Variants in RBFOX1 observed in about 807,000 individuals in gnomAD.
The protein encoded by RBFOX1 is RNA binding protein fox-1 homolog 1.
A neutral mutation model predicts 57.7 loss-of-function variants in RBFOX1; 8 were observed. That is an observed-to-expected ratio of 0.14 (90% CI 0.08 to 0.25). The LOEUF (loss-of-function observed/expected upper bound fraction) is 0.25. RBFOX1 is among the 10% of genes least tolerant of loss of function. RBFOX1 has a pLI of 1.00. For missense variants in RBFOX1, 611 were observed against 548.5 expected, an observed-to-expected ratio of 1.11 and a Z score of -1.14; for synonymous variants, 326 against 222.4, an observed-to-expected ratio of 1.47 and a Z score of -4.15.
intron 3 of RBFOX1, among the ~76,000 whole-genome samples, chr16:5,716,430 A>G (rs1270534454): frequency 2.6e-5 from 4 of 152,240 alleles, no homozygotes; most frequent in Non-Finnish European, 4.4e-5. Flanking sequence ...CCCAGTGTCC[A>G]TGTGTCCAAC....
intron 3 of RBFOX1, among the ~76,000 whole-genome samples, chr16:5,720,069 C>T (rs2051870873): frequency 6.6e-6 from 1 of 152,096 alleles, no homozygotes; most frequent in Non-Finnish European, 1.5e-5. Context: ...TTCACATCCT[C>T]ACCAACACTT....
At chr16:7,479,454 A>T (rs995341674) in intron 4 of RBFOX1, among the ~76,000 whole-genome samples, 1 of 152,100 alleles carries the variant, frequency 6.6e-6, no homozygotes, top group African/African-American at 2.4e-5. Context: ...TTACTCTACA[A>T]TGCTTGCCCT....
At chr16:7,046,380 T>G (rs895693387) in intron 3 of RBFOX1, among the ~76,000 whole-genome samples, 1 of 152,152 alleles carries the variant, frequency 6.6e-6, no homozygotes, top group Non-Finnish European at 1.5e-5. Flanking sequence ...TCTACAAGAC[T>G]CAGTATTTTG....
At chr16:6,980,936 G>A (rs1279205203) in intron 3 of RBFOX1, among the ~76,000 whole-genome samples, 7 of 149,856 alleles carry the variant, frequency 4.7e-5, no homozygotes, top group South Asian at 4.2e-4. Flanking sequence ...CCAATTAATC[G>A]GGAGTCTGAG....
intron 3 of RBFOX1, among the ~76,000 whole-genome samples, chr16:6,994,655 A>C (rs889831096): frequency 6.6e-6 from 1 of 152,184 alleles, no homozygotes; most frequent in African/African-American, 2.4e-5. Context: ...AGTGCCATCC[A>C]CTTAATCTCT....
chr16:5,739,283 C>T (rs1385092144), intron 3 of RBFOX1, among the ~76,000 whole-genome samples: 1 of 152,218 alleles, frequency 6.6e-6, no homozygotes, highest in Non-Finnish European at 1.5e-5. Flanking sequence ...CCCAGTGAAA[C>T]ATCCCACTTT....
At chr16:6,876,570 T>C (rs1339498092) in intron 3 of RBFOX1, among the ~76,000 whole-genome samples, 4 of 152,178 alleles carry the variant, frequency 2.6e-5, no homozygotes, top group African/African-American at 9.7e-5. Context: ...TAAAAATTAA[T>C]AGTGTGAGAA....
chr16:5,357,042 G>T (rs2065408508), intron 1 of RBFOX1, among the ~76,000 whole-genome samples: 1 of 152,162 alleles, frequency 6.6e-6, no homozygotes, highest in South Asian at 2.1e-4. Context: ...TAAACTACTT[G>T]CCCGTGATGA....
chr16:6,583,447 A>C (rs897721710), intron 2 of RBFOX1, among the ~76,000 whole-genome samples: 3 of 152,254 alleles, frequency 2.0e-5, no homozygotes, highest in African/African-American at 7.2e-5. Context: ...TTGGGGGAGC[A>C]TCTCACACTA....
chr16:6,000,855 A>C (rs977916654), intron 4 of RBFOX1, among the ~76,000 whole-genome samples: 1 of 104,028 alleles, frequency 9.6e-6, no homozygotes, highest in African/African-American at 3.7e-5. Context: ...GTGGGTGGAC[A>C]GGTAGGTGGG....
chr16:6,569,716 T>A (rs138009973), intron 2 of RBFOX1, among the ~76,000 whole-genome samples: 84 of 152,310 alleles, frequency 5.5e-4, no homozygotes, highest in Non-Finnish European at 8.1e-4. Flanking sequence ...TTACCTACCA[T>A]CCAGAATTTA....
intron 3 of RBFOX1, among the ~76,000 whole-genome samples, chr16:5,756,050 C>A (rs2043627): frequency 1.3e-5 from 2 of 151,948 alleles, no homozygotes; most frequent in Admixed American, 1.3e-4. Flanking sequence ...ATGAGAAATT[C>A]TTAAGCAGGT....
At chr16:7,267,540 A>C (rs1335609071) in intron 4 of RBFOX1, among the ~76,000 whole-genome samples, 2 of 151,864 alleles carry the variant, frequency 1.3e-5, no homozygotes, top group Non-Finnish European at 2.9e-5. Flanking sequence ...TATCTCGACA[A>C]AAAATTTAAA....
chr16:5,598,345 G>C (rs2047255679), intron 2 of RBFOX1, among the ~76,000 whole-genome samples: 1 of 152,144 alleles, frequency 6.6e-6, no homozygotes, highest in Non-Finnish European at 1.5e-5. Flanking sequence ...TCTGGGACGA[G>C]GAGTCCACAC....
chr16:6,909,554 A>G (rs570934886), intron 3 of RBFOX1, among the ~76,000 whole-genome samples: 63 of 152,294 alleles, frequency 4.1e-4, no homozygotes, highest in African/African-American at 1.4e-3. Flanking sequence ...TCTCCAGCAA[A>G]CATGCATTCA....
chr16:7,153,494 T>C (rs888941519), intron 4 of RBFOX1, among the ~76,000 whole-genome samples: 2 of 151,792 alleles, frequency 1.3e-5, no homozygotes, highest in East Asian at 3.9e-4. Flanking sequence ...CCCAGCACTT[T>C]GGGAGGCTGC....
At chr16:5,560,383 C>T (rs1319156263) in intron 2 of RBFOX1, among the ~76,000 whole-genome samples, 1 of 152,102 alleles carries the variant, frequency 6.6e-6, no homozygotes, top group Non-Finnish European at 1.5e-5. Flanking sequence ...ACTAAATCAC[C>T]TCCTGCAGGA....
chr16:7,120,282 A>T (rs892501870), intron 4 of RBFOX1, among the ~76,000 whole-genome samples: 1 of 97,644 alleles, frequency 1.0e-5, no homozygotes, highest in Non-Finnish European at 1.9e-5. Context: ...AGAGACTATT[A>T]AAAAAAGCAA....
intron 3 of RBFOX1, among the ~76,000 whole-genome samples, chr16:5,690,280 G>C (rs2050633382): frequency 6.6e-6 from 1 of 152,198 alleles, no homozygotes; most frequent in African/African-American, 2.4e-5. Flanking sequence ...TGCCAACAAA[G>C]TGCTTCTGTA....
Sources: gnomAD v4.1 joint callset for allele counts (sites outside exome capture counted in the v4.1 genomes callset) on GRCh38, gnomAD v4.1.1 for gene constraint, MANE v1.5 for transcripts, NCBI Gene and HGNC (gene_info 2026-07-23, HGNC 2026-07-21) for gene names.